DENND3: variants seen among roughly 807,000 people sequenced by gnomAD.
DENND3 encodes the protein DENN domain-containing protein 3.
Under a neutral mutation model 135.1 loss-of-function variants are expected in DENND3, and 88 were observed. The observed-to-expected ratio is 0.65, with a 90% CI of 0.55 to 0.78. The LOEUF is 0.78. Among genes scored for constraint, DENND3 ranks in the 30% least tolerant of loss-of-function variants. The pLI is 0.00. For missense variants in DENND3, 1,392 were observed against 1,688.4 expected (o/e 0.82, Z 3.08); for synonymous variants, 693 against 712.3 (o/e 0.97, Z 0.43).
intron 22 of DENND3, chr8:141,192,927 C>T: frequency 7.1e-7 from 1 of 1,405,824 alleles, no homozygotes; most frequent in Non-Finnish European, 9.4e-7. Flanking sequence ...AATTTTCTCA[C>T]AGTTCTCGAC....
In DENND3 at chr8:141,128,670, C is replaced by A; in HGVS notation, c.-38C>A. On this transcript the variant is annotated 5_prime_UTR_variant, in exon 1 of 23. Transcript: ENST00000519811. The surrounding 1 kb of genome is among the most constrained non-coding windows in gnomAD (Gnocchi z 4.5). Reference sequence around the variant, plus strand: ...TCTGCGGGCGACTGCGCGGCTGAGGCGCCCGAGTGCGGTACTGGCGGCGGG... The same window carrying A: ...TCTGCGGGCGACTGCGCGGCTGAGGAGCCCGAGTGCGGTACTGGCGGCGGG... 1.6e-6 allele frequency: 2 copies of A among 1,288,618 alleles called. No individual in the cohort carries two copies. Among genetic ancestry groups the A allele is most frequent in the Non-Finnish European group, 9.9e-7 (1 of 1,009,862 alleles). 79.8% of individuals were successfully genotyped at this position (1,288,618 alleles called of 1,614,324 possible). A position where few individuals can be genotyped will look rare whatever the true frequency, so the allele number is the denominator to read the frequency against.
intron 9 of DENND3, among the ~76,000 whole-genome samples, chr8:141,162,891 G>GCCC (rs1266705487): frequency 6.6e-6 from 1 of 152,224 alleles, no homozygotes; most frequent in Non-Finnish European, 1.5e-5. Context: ...TCCAGCCTGG[G>GCCC]CCATAGAGCA....
At chr8:141,184,336 T>A (rs1169188469) in intron 17 of DENND3, among the ~76,000 whole-genome samples, 2 of 152,170 alleles carry the variant, frequency 1.3e-5, no homozygotes, top group African/African-American at 2.4e-5. Flanking sequence ...CCGGAACAGC[T>A]GGCCGGGCGT....
chr8:141,139,211 G>C lies in DENND3; in HGVS notation c.501+1074G>C, dbSNP rs543905519. On this transcript the variant is annotated intron_variant, in intron 3 of 22. Coordinates refer to ENST00000519811, the MANE Select transcript of DENND3 (RefSeq NM_001352890.3). The surrounding 1 kb of genome is among the most constrained non-coding windows in gnomAD (Gnocchi z 4.2). Reference sequence around the variant, plus strand: ...AGAAATGGCTGGCCTGGATTCCCTCGGAGCCCGGGACACGTGTTTTTGTTG... The same window carrying C: ...AGAAATGGCTGGCCTGGATTCCCTCCGAGCCCGGGACACGTGTTTTTGTTG... Among the ~76,000 whole-genome samples the C allele has an allele frequency of 6.6e-6, 1 of 152,110 alleles. No homozygotes were observed. Among genetic ancestry groups the C allele is most frequent in the Non-Finnish European group, 1.5e-5 (1 of 68,030 alleles).
chr8:141,180,246 G>A (rs572547863), intron 16 of DENND3, among the ~76,000 whole-genome samples: 1 of 152,344 alleles, frequency 6.6e-6, no homozygotes, highest in Admixed American at 6.5e-5. Flanking sequence ...CACACAGGAT[G>A]CTGGGCATTC....
intron 1 of DENND3, among the ~76,000 whole-genome samples, chr8:141,133,285 G>A (rs777477560): frequency 1.6e-4 from 24 of 151,052 alleles, no homozygotes; most frequent in Non-Finnish European, 1.9e-4. Context: ...CTTAGGGAGC[G>A]AGCTGGCCTG....
At chr8:141,177,891 TTAAG>T (rs1043463455) in intron 15 of DENND3, 172 bp from the exon 16 acceptor site, 50 of 787,034 alleles carry the variant, frequency 6.4e-5, no homozygotes, top group Non-Finnish European at 8.6e-5. Flanking sequence ...AATATTTGTC[TTAAG>T]TAAGAGAAGA....
rs73362500 is a variant in DENND3, at chr8:141,189,277, C to T, written c.3245+131C>T. 207 of 1,266,592 alleles carry T rather than the reference C, an allele frequency of 1.6e-4. No homozygotes were observed. The Admixed American group carries it at 2.0e-3, about 12-fold the overall frequency. The allele number at this position is 1,266,592 out of a possible 1,614,324, so 78.5% of individuals were successfully genotyped here. On this transcript the variant is annotated intron_variant, in intron 19 of 22. Coordinates refer to ENST00000519811, the MANE Select transcript of DENND3 (RefSeq NM_001352890.3). The stretch of plus-strand genomic sequence containing the variant: ...CGTACAGAGTGAAGTGGATCTAGAA[C>T]GAGGAAAGCTGGGTGGTGTCCTCGG...
At chr8:141,187,517 C>T (rs760689176) in intron 18 of DENND3, among the ~76,000 whole-genome samples, 17 of 152,272 alleles carry the variant, frequency 1.1e-4, no homozygotes, top group Non-Finnish European at 2.1e-4. Context: ...TGAGCCACTG[C>T]GCCCGGCCAT....
At chr8:141,145,815 A>C (rs1278919032) in intron 5 of DENND3, among the ~76,000 whole-genome samples, 1 of 27,170 alleles carries the variant, frequency 3.7e-5, no homozygotes. Flanking sequence ...ATATATATAT[A>C]TATATATATA....
At chr8:141,161,750 G>T (rs2154613079) in intron 9 of DENND3, among the ~76,000 whole-genome samples, 1 of 151,794 alleles carries the variant, frequency 6.6e-6, no homozygotes, top group East Asian at 1.9e-4. Flanking sequence ...GAGCCTGCTG[G>T]CTTGATCGTA....
chr8:141,142,849 G>A (rs1310047583), intron 4 of DENND3: 3 of 161,330 alleles, frequency 1.9e-5, no homozygotes, highest in South Asian at 1.5e-4. Flanking sequence ...ATGGGTGGTC[G>A]CCAGACACAT....
rs867979502 is a variant in DENND3 at position 141,168,260 on chromosome 8, C to T, written c.2010C>T (p.Ile670=). 1 of 1,614,162 alleles carries T rather than the reference C, an allele frequency of 6.2e-7. No homozygotes were observed. Among genetic ancestry groups the T allele is most frequent in the Non-Finnish European group, 8.5e-7 (1 of 1,180,036 alleles). Residue 670 remains isoleucine, a synonymous_variant, in exon 13 of 23, where the codon ATC becomes ATT. Coordinates refer to ENST00000519811, the MANE Select transcript of DENND3 (RefSeq NM_001352890.3). The surrounding 1 kb of genome is among the most constrained non-coding windows in gnomAD (Gnocchi z 6.2). ...ATCTGTATAAAACAGACATACGGAT[C>T]TTTCCCACTGATTTGGTGAAGAGGA... ...FQNLYKTDIR[I]FPTDLVKRTV...
chr8:141,181,836 A>G (rs575985055), intron 17 of DENND3, among the ~76,000 whole-genome samples: 2 of 152,122 alleles, frequency 1.3e-5, no homozygotes, highest in East Asian at 3.9e-4. Context: ...TAGTTGGTGC[A>G]ATCATGGCTC....
At chr8:141,145,175 G>A (rs955692464) in intron 5 of DENND3, among the ~76,000 whole-genome samples, 2 of 152,218 alleles carry the variant, frequency 1.3e-5, no homozygotes, top group African/African-American at 4.8e-5. Context: ...CATTTATGTA[G>A]CAAGGGCCTC....
rs543294581 is a variant in DENND3 at position 141,139,969 on chromosome 8, G to A, written c.502-1234G>A. ...GTCACCCAGGCTTTAGTGCAGCGGT[G>A]TGATCACGGCTCACTGCAGCCTTGA... On this transcript the variant is annotated intron_variant, in intron 3 of 22. Transcript: ENST00000519811. The surrounding 1 kb of genome is among the most constrained non-coding windows in gnomAD (Gnocchi z 4.2). Among the ~76,000 whole-genome samples, 57 of 151,656 alleles carry A rather than the reference G, an allele frequency of 3.8e-4. No homozygotes were observed. The South Asian group carries it at 0.011, about 30-fold the overall frequency.
chr8:141,150,269 T>C, intron 5 of DENND3: 3 of 1,263,900 alleles, frequency 2.4e-6, no homozygotes, highest in Non-Finnish European at 3.1e-6. Context: ...CCTTCTCCTC[T>C]GGATTTCCTC....
chr8:141,190,339 C>A lies in DENND3; in HGVS notation c.3301C>A (p.Leu1101Met). The A allele has an allele frequency of 1.2e-6, 2 of 1,613,482 alleles. No individual in the cohort carries two copies. The highest frequency in any genetic ancestry group is 1.7e-6 in the Non-Finnish European group (2 of 1,179,838). The change falls in exon 20 of 23, where the codon CTG becomes ATG. Residue 1101 changes from leucine to methionine, a missense_variant. By Grantham distance (15) the Leu-to-Met change is conservative. Coordinates refer to ENST00000519811, the MANE Select transcript of DENND3 (RefSeq NM_001352890.3). ...GGTGCTGGTGTGGAATGTGAGCACACTGCAGGTGACCAGCCGCTTCCAGCT... is the reference window on the plus strand; with the variant it reads ...GGTGCTGGTGTGGAATGTGAGCACAATGCAGGTGACCAGCCGCTTCCAGCT... ...GMVLVWNVSTLQVTSRFQLPR... is the reference protein window; with the variant it reads ...GMVLVWNVSTMQVTSRFQLPR...
At chr8:141,192,872 C>T (rs1384924896) in intron 22 of DENND3, 2 of 1,519,860 alleles carry the variant, frequency 1.3e-6, no homozygotes, top group African/African-American at 2.8e-5. Flanking sequence ...CCAAGCACTC[C>T]ACAGCGCATT....
Sources: allele counts gnomAD v4.1 joint callset (sites outside exome capture counted in the v4.1 genomes callset), GRCh38; gene constraint gnomAD v4.1.1; non-coding constraint Gnocchi (gnomAD v3.1); transcripts MANE v1.5; gene names NCBI Gene and HGNC (gene_info 2026-07-23, HGNC 2026-07-21).